LHFPL3: variants seen among roughly 807,000 people sequenced by gnomAD.
The protein encoded by LHFPL3 is LHFPL tetraspan subfamily member 3, also known as LHFPL tetraspan subfamily member 3 protein.
Under a neutral mutation model 19.3 loss-of-function variants are expected in LHFPL3, and 5 were observed. The observed-to-expected ratio is 0.26, with a 90% CI of 0.14 to 0.54. LHFPL3 has a LOEUF of 0.54. Among genes scored for constraint, LHFPL3 ranks in the 20% least tolerant of loss-of-function variants. LHFPL3 has a pLI of 0.94. For missense variants in LHFPL3, 249 were observed against 307.4 expected (o/e 0.81, Z 1.42); for synonymous variants, 133 against 126.2 (o/e 1.05, Z -0.36).
intron 2 of LHFPL3, among the ~76,000 whole-genome samples, chr7:104,898,314 C>T (rs1217474047): frequency 1.3e-5 from 2 of 152,152 alleles, no homozygotes; most frequent in East Asian, 1.9e-4. Flanking sequence ...GCCGAAATCT[C>T]ACCCTTTTAT....
intron 1 of LHFPL3, among the ~76,000 whole-genome samples, chr7:104,413,146 C>T (rs1210014081): frequency 6.6e-6 from 1 of 152,338 alleles, no homozygotes; most frequent in East Asian, 1.9e-4. Context: ...AAGAAACAGG[C>T]TCTGACTTTT....
intron 1 of LHFPL3, among the ~76,000 whole-genome samples, chr7:104,637,111 G>T (rs1419419594): frequency 6.6e-6 from 1 of 152,164 alleles, no homozygotes; most frequent in East Asian, 1.9e-4. Context: ...TTTGGTTTTA[G>T]TTGGCATTTC....
chr7:104,515,435 G>A (rs186777441), intron 1 of LHFPL3, among the ~76,000 whole-genome samples: 7 of 152,256 alleles, frequency 4.6e-5, no homozygotes, highest in Admixed American at 4.6e-4. Context: ...ACAGAGCAGT[G>A]CCCCTGTTCA....
At chr7:104,649,563 C>T (rs753782981) in intron 1 of LHFPL3, among the ~76,000 whole-genome samples, 11 of 152,184 alleles carry the variant, frequency 7.2e-5, no homozygotes, top group Non-Finnish European at 1.5e-4. Context: ...AGGAGGGGAG[C>T]AGGAGACCAG....
At chr7:104,716,969 A>C (rs1793399239) in intron 1 of LHFPL3, among the ~76,000 whole-genome samples, 1 of 152,220 alleles carries the variant, frequency 6.6e-6, no homozygotes, top group South Asian at 2.1e-4. Context: ...TGACATAAAG[A>C]CAGACATGTA....
intron 2 of LHFPL3, among the ~76,000 whole-genome samples, chr7:104,902,058 C>T (rs1438377115): frequency 6.6e-6 from 1 of 152,098 alleles, no homozygotes; most frequent in Non-Finnish European, 1.5e-5. Flanking sequence ...GAAGTACAGT[C>T]CCAGAGTTGA....
intron 1 of LHFPL3, among the ~76,000 whole-genome samples, chr7:104,654,179 A>C (rs913852699): frequency 2.0e-5 from 3 of 152,192 alleles, no homozygotes; most frequent in Non-Finnish European, 4.4e-5. Flanking sequence ...ATCTAAGAAC[A>C]GAAATAGCCA....
intron 1 of LHFPL3, among the ~76,000 whole-genome samples, chr7:104,548,246 G>T (rs1164203350): frequency 6.6e-6 from 1 of 152,068 alleles, no homozygotes; most frequent in Non-Finnish European, 1.5e-5. Flanking sequence ...TTAAACATGT[G>T]TTCTCCAGTT....
At position 104,818,950 on chromosome 7, in the gene LHFPL3, G is replaced by A. The variant is rs189517443; in HGVS notation, c.682+82039G>A. Among the ~76,000 whole-genome samples the A allele has an allele frequency of 2.1e-3, 325 of 151,800 alleles. 1 individual carries two copies. The highest frequency in any genetic ancestry group is 3.6e-3 in the Non-Finnish European group (244 of 67,950). On this transcript the variant is annotated intron_variant, in intron 2 of 2. Transcript: ENST00000424859. ...GTCTATGAGATTCTTTTCTCTCCTC[G>A]TCTGTCTGTTACACAGAAGAAACTG... is the stretch of plus-strand genomic sequence containing the variant.
chr7:104,602,257 G>A lies in LHFPL3; in HGVS notation c.446-134418G>A, dbSNP rs530144576. On this transcript the variant is annotated intron_variant, in intron 1 of 2. Transcript: ENST00000424859. ...GCTAGTCTTGAACTCCTGACCTCAA[G>A]TAATCCTCCCACCTTGGCCTCCCAA... 2.0e-5 allele frequency among the ~76,000 whole-genome samples: 3 copies of A among 152,066 alleles called. No individual in the cohort carries two copies. The South Asian group carries it at 6.2e-4, about 32-fold the overall frequency.
intron 1 of LHFPL3, among the ~76,000 whole-genome samples, chr7:104,642,543 T>G (rs1293264616): frequency 6.6e-6 from 1 of 152,206 alleles, no homozygotes; most frequent in Non-Finnish European, 1.5e-5. Flanking sequence ...CCCCCTTCAA[T>G]TTCTAGAGCT....
At chr7:104,438,105 C>A (rs1792147431) in intron 1 of LHFPL3, among the ~76,000 whole-genome samples, 1 of 152,110 alleles carries the variant, frequency 6.6e-6, no homozygotes, top group African/African-American at 2.4e-5. Context: ...AATATTAGAA[C>A]AAAAGATGCA....
chr7:104,792,522 A>T (rs186248580), intron 2 of LHFPL3, among the ~76,000 whole-genome samples: 2 of 152,266 alleles, frequency 1.3e-5, no homozygotes, highest in Admixed American at 6.5e-5. Flanking sequence ...GTTCCTCGAG[A>T]CTGCTGCCTC....
intron 1 of LHFPL3, among the ~76,000 whole-genome samples, chr7:104,463,861 C>T (rs1792724029): frequency 6.6e-6 from 1 of 152,160 alleles, no homozygotes; most frequent in Non-Finnish European, 1.5e-5. Context: ...TTGTCCGTCC[C>T]CAGCCCTTCC....
intron 1 of LHFPL3, among the ~76,000 whole-genome samples, chr7:104,634,095 A>T (rs988522882): frequency 1.3e-5 from 2 of 152,240 alleles, no homozygotes; most frequent in African/African-American, 4.8e-5. Flanking sequence ...TTTATTTCTC[A>T]CTGATGTCTT....
chr7:104,334,536 G>A (rs576414731), intron 1 of LHFPL3, among the ~76,000 whole-genome samples: 2 of 152,332 alleles, frequency 1.3e-5, no homozygotes, highest in Admixed American at 1.3e-4. Context: ...AGCAGAGTGA[G>A]ACTCCATCTC....
chr7:104,422,026 T>C (rs1471239358), intron 1 of LHFPL3, among the ~76,000 whole-genome samples: 1 of 152,192 alleles, frequency 6.6e-6, no homozygotes, highest in African/African-American at 2.4e-5. Context: ...CCTGACATGC[T>C]GTCATCCTGG....
intron 2 of LHFPL3, chr7:104,845,280 G>A (rs1413443627): frequency 1.4e-6 from 1 of 731,624 alleles, no homozygotes; most frequent in African/African-American, 1.7e-5. Flanking sequence ...CACCGTCAAT[G>A]GAATAGCCAG....
intron 1 of LHFPL3, among the ~76,000 whole-genome samples, chr7:104,412,359 C>T (rs1791549885): frequency 6.6e-6 from 1 of 152,008 alleles, no homozygotes; most frequent in Admixed American, 6.6e-5. Context: ...TTTAACAATC[C>T]ACCCCATACC....
Sources: allele counts gnomAD v4.1 joint callset (sites outside exome capture counted in the v4.1 genomes callset), GRCh38; gene constraint gnomAD v4.1.1; transcripts MANE v1.5; gene names NCBI Gene and HGNC (gene_info 2026-07-23, HGNC 2026-07-21).